FRMD4A: variants seen among roughly 807,000 people sequenced by gnomAD.
The protein encoded by FRMD4A is FERM domain-containing protein 4A.
FRMD4A carries 29 observed loss-of-function variants against 129.1 expected under a neutral mutation model. The observed-to-expected ratio is 0.22, with a 90% CI of 0.17 to 0.31. The LOEUF is 0.31. FRMD4A is among the 10% of genes least tolerant of loss of function. The pLI is 1.00. For missense variants in FRMD4A, 1,272 were observed against 1,375.8 expected (o/e 0.92, Z 1.19); for synonymous variants, 634 against 571.6 (o/e 1.11, Z -1.56).
At chr10:14,096,389 A>G (rs979243912) in intron 2 of FRMD4A, among the ~76,000 whole-genome samples, 14 of 152,204 alleles carry the variant, frequency 9.2e-5, no homozygotes, top group African/African-American at 3.4e-4. Context: ...TTGTTATAGC[A>G]GCCTGAACTG....
chr10:13,682,997 T>C (rs2084748353), intron 15 of FRMD4A, among the ~76,000 whole-genome samples: 1 of 152,178 alleles, frequency 6.6e-6, no homozygotes, highest in African/African-American at 2.4e-5. Context: ...GGGGGCTCTT[T>C]GCGTGATAGT....
At chr10:13,838,646 C>T (rs1410494303) in intron 3 of FRMD4A, among the ~76,000 whole-genome samples, 2 of 152,176 alleles carry the variant, frequency 1.3e-5, no homozygotes, top group Non-Finnish European at 2.9e-5. Context: ...GCATGTGCCA[C>T]CACGCCCAGC....
At chr10:14,087,894 G>T (rs1836386548) in intron 2 of FRMD4A, among the ~76,000 whole-genome samples, 1 of 152,278 alleles carries the variant, frequency 6.6e-6, no homozygotes, top group Non-Finnish European at 1.5e-5. Context: ...AGACTGAGAG[G>T]ATTGCTTTTG....
chr10:13,953,981 A>C (rs2095391709), intron 2 of FRMD4A, among the ~76,000 whole-genome samples: 1 of 152,196 alleles, frequency 6.6e-6, no homozygotes, highest in African/African-American at 2.4e-5. Context: ...CTTTACAAAG[A>C]ATCACCATAG....
intron 2 of FRMD4A, among the ~76,000 whole-genome samples, chr10:13,908,485 T>G (rs533357181): frequency 6.6e-6 from 1 of 152,370 alleles, no homozygotes; most frequent in African/African-American, 2.4e-5. Flanking sequence ...CCCAACTTAT[T>G]TTCCATTCAA....
Position 14,274,819 on chromosome 10 carries a change from C to T in FRMD4A, c.45+55239G>A, listed in dbSNP as rs143070853. Among the ~76,000 whole-genome samples the T allele has an allele frequency of 4.7e-4, 72 of 152,308 alleles. 2 individuals are homozygous for T. Among genetic ancestry groups the T allele is most frequent in the African/African-American group, 1.7e-3 (71 of 41,576 alleles). On this transcript the variant is annotated intron_variant, in intron 2 of 24. Transcript: ENST00000357447. ...GCACCCGGCAAGTCCCTGACTTAGCCAGTCAGACAGGGCTGCACCAGGGAT... is the reference window on the plus strand; with the variant it reads ...GCACCCGGCAAGTCCCTGACTTAGCTAGTCAGACAGGGCTGCACCAGGGAT...
intron 2 of FRMD4A, among the ~76,000 whole-genome samples, chr10:14,283,548 A>G (rs916528173): frequency 1.3e-5 from 2 of 152,208 alleles, no homozygotes; most frequent in African/African-American, 4.8e-5. Context: ...TAAATCCAAG[A>G]AGGGGAAATC....
chr10:14,048,099 G>C (rs1348772772), intron 2 of FRMD4A, among the ~76,000 whole-genome samples: 2 of 152,178 alleles, frequency 1.3e-5, no homozygotes, highest in East Asian at 3.9e-4. Context: ...TTGTGGAGGA[G>C]AAGAAAGGGT....
chr10:14,160,277 A>T (rs924291168), intron 2 of FRMD4A, among the ~76,000 whole-genome samples: 18 of 152,286 alleles, frequency 1.2e-4, no homozygotes, highest in Non-Finnish European at 2.1e-4. Context: ...TCACCATATT[A>T]AAAAAATCCA....
Position 14,039,407 on chromosome 10 carries a change from C to CATCTATCTATCT in FRMD4A, c.46-180507_46-180496dup, listed in dbSNP as rs1265069563. Among the ~76,000 whole-genome samples the CATCTATCTATCT allele has an allele frequency of 1.7e-3, 252 of 147,796 alleles. 2 individuals carry two copies. Among genetic ancestry groups the CATCTATCTATCT allele is most frequent in the African/African-American group, 6.2e-3 (241 of 38,684 alleles). ...CCATCCATCCATCCATCCATCCATCCATCTATCTATCTATCTATCTATCTA... is the reference window on the plus strand; with the variant it reads ...CCATCCATCCATCCATCCATCCATCCATCTATCTATCTATCTATCTATCTATCTATCTATCTA... On this transcript the variant is annotated intron_variant, in intron 2 of 24. Transcript: ENST00000357447.
intron 2 of FRMD4A, among the ~76,000 whole-genome samples, chr10:14,011,590 T>C (rs1257366094): frequency 2.0e-5 from 3 of 152,004 alleles, no homozygotes; most frequent in Non-Finnish European, 4.4e-5. Flanking sequence ...GAAATAGCCA[T>C]ATAGGCAGGG....
At chr10:14,181,773 C>T (rs976612413) in intron 2 of FRMD4A, among the ~76,000 whole-genome samples, 19 of 152,264 alleles carry the variant, frequency 1.2e-4, no homozygotes, top group Admixed American at 1.0e-3. Flanking sequence ...TCACTGCAAC[C>T]TCGGCTTCCT....
chr10:13,712,320 G>A (rs1053481574), intron 12 of FRMD4A, among the ~76,000 whole-genome samples: 1 of 152,158 alleles, frequency 6.6e-6, no homozygotes, highest in African/African-American at 2.4e-5. Flanking sequence ...TCAGGAGCTC[G>A]AGACCAGCCT....
intron 2 of FRMD4A, among the ~76,000 whole-genome samples, chr10:14,160,258 C>A (rs1206984043): frequency 1.3e-5 from 2 of 151,998 alleles, no homozygotes; most frequent in Non-Finnish European, 2.9e-5. Flanking sequence ...AAACTGGATA[C>A]CCTCTCTCTC....
At chr10:13,741,393 G>T (rs1314353690) in intron 9 of FRMD4A, among the ~76,000 whole-genome samples, 3 of 152,186 alleles carry the variant, frequency 2.0e-5, no homozygotes, top group African/African-American at 7.2e-5. Context: ...CAAGGCTGCA[G>T]TGAGCTACAA....
At chr10:13,898,303 T>G (rs1277228103) in intron 2 of FRMD4A, among the ~76,000 whole-genome samples, 1 of 151,646 alleles carries the variant, frequency 6.6e-6, no homozygotes, top group East Asian at 1.9e-4. Flanking sequence ...GAGGTGGAGG[T>G]TGCAGTGAGC....
intron 2 of FRMD4A, among the ~76,000 whole-genome samples, chr10:13,974,097 G>A (rs1397480362): frequency 1.4e-5 from 2 of 147,662 alleles, no homozygotes; most frequent in East Asian, 2.0e-4. Flanking sequence ...GTGCGATTTC[G>A]GCTCACTGAA....
At chr10:14,127,972 TTCTTTCCTTCTCTCTCTC>T (rs1838969299) in intron 2 of FRMD4A, among the ~76,000 whole-genome samples, 4 of 26,928 alleles carry the variant, frequency 1.5e-4, no homozygotes, top group African/African-American at 5.7e-4. Flanking sequence ...CTTTCTTTCT[TTCTTTCCTTCTCTCTCTC>T]TCTCTCTCTC....
At chr10:14,186,407 CCACT>C (rs1208451867) in intron 2 of FRMD4A, among the ~76,000 whole-genome samples, 1 of 152,182 alleles carries the variant, frequency 6.6e-6, no homozygotes, top group Non-Finnish European at 1.5e-5. Flanking sequence ...CACCGATCAC[CCACT>C]AATCCCAGAA....
Sources: allele counts gnomAD v4.1 joint callset (sites outside exome capture counted in the v4.1 genomes callset), GRCh38; gene constraint gnomAD v4.1.1; transcripts MANE v1.5; gene names NCBI Gene and HGNC (gene_info 2026-07-23, HGNC 2026-07-21).